LGI1: variants seen among roughly 807,000 people sequenced by gnomAD.
LGI1 encodes leucine rich glioma inactivated 1, also known as leucine-rich glioma-inactivated protein 1.
LGI1 carries 11 observed loss-of-function variants against 57.7 expected under a neutral mutation model. That is an observed-to-expected ratio of 0.19 (90% CI 0.12 to 0.32). The LOEUF is 0.32. Ranked by LOEUF, LGI1 falls within the 10% of genes least tolerant of loss-of-function variation. The pLI is 1.00. For synonymous variants in LGI1, 222 were observed against 241.9 expected, an observed-to-expected ratio of 0.92 and a Z score of 0.76; for missense variants, 422 against 661.9, an observed-to-expected ratio of 0.64 and a Z score of 3.98.
intron 7 of LGI1, among the ~76,000 whole-genome samples, chr10:93,795,332 G>A (rs560404619): frequency 1.3e-5 from 2 of 152,262 alleles, no homozygotes; most frequent in South Asian, 4.2e-4. Flanking sequence ...AAGGCACCAG[G>A]AGATTTAGGG....
At chr10:93,766,512 C>CTTTTTTTTTTTTTTTTTTTTTT (rs71031537) in intron 2 of LGI1, among the ~76,000 whole-genome samples, 3 of 84,588 alleles carry the variant, frequency 3.5e-5, no homozygotes, top group African/African-American at 4.9e-5. Context: ...TTATAGATCT[C>CTTTTTTTTTTTTTTTTTTTTTT]TTTTTTTTTT....
chr10:93,797,431 A>G lies in LGI1; in HGVS notation c.1302A>G (p.Ala434=), dbSNP rs1313734526. Residue 434 remains alanine, a synonymous_variant, in exon 8 of 8, where the codon GCA becomes GCG. Coordinates refer to ENST00000371418, the MANE Select transcript of LGI1 (RefSeq NM_005097.4). This position sits in a 1 kb window ranked among gnomAD's most constrained non-coding sequence, Gnocchi z 6.5. ...TTCCTAACATGGAGGATGTGTACGC[A>G]GTGAAGCACTTCTCAGTGAAAGGGG... The part of the protein sequence containing the change: ...TDIPNMEDVY[A]VKHFSVKGDV... The G allele has an allele frequency of 6.2e-7, 1 of 1,614,230 alleles. No individual in the cohort carries two copies. The highest frequency in any genetic ancestry group is 1.1e-5 in the South Asian group (1 of 91,086).
chr10:93,787,701 A>G (rs1564849218), intron 4 of LGI1, among the ~76,000 whole-genome samples: 1 of 152,138 alleles, frequency 6.6e-6, no homozygotes, highest in Non-Finnish European at 1.5e-5. Flanking sequence ...TGAGCCCAAG[A>G]GTTCAAGACC....
intron 4 of LGI1, among the ~76,000 whole-genome samples, chr10:93,781,216 G>A (rs1377622066): frequency 2.6e-5 from 4 of 151,868 alleles, no homozygotes; most frequent in African/African-American, 4.8e-5. Flanking sequence ...AAAATTAGCC[G>A]GGCGTGGTGG....
Position 93,758,219 on chromosome 10 carries a change from C to G in LGI1, c.75C>G (p.Leu25=), listed in dbSNP as rs144700062. 5.6e-6 allele frequency: 9 copies of G among 1,614,058 alleles called. No homozygotes were observed. Among genetic ancestry groups the G allele is most frequent in the Admixed American group, 1.7e-5 (1 of 60,012 alleles). The change falls in exon 1 of 8, where the codon CTC becomes CTG. Residue 25 remains leucine (L), a synonymous_variant. Coordinates refer to ENST00000371418, the MANE Select transcript of LGI1 (RefSeq NM_005097.4). This position sits in a 1 kb window ranked among gnomAD's most constrained non-coding sequence, Gnocchi z 4.7. ...AAAGAATTGCTTATTTCCTATGTCT[C>G]TTATCTGCGCTTTTGCTGACTGAGG... is the stretch of plus-strand genomic sequence containing the variant. The part of the protein sequence containing the change: ...PLKRIAYFLC[L]LSALLLTEGK...
chr10:93,782,165 T>G (rs1235181040), intron 4 of LGI1, among the ~76,000 whole-genome samples: 1 of 152,236 alleles, frequency 6.6e-6, no homozygotes, highest in African/African-American at 2.4e-5. Flanking sequence ...TTAATAAATC[T>G]GGCATCTATC....
rs201376381 is a variant in LGI1 at position 93,797,349 on chromosome 10, G to A, written c.1220G>A (p.Arg407His). ...PHLILSSSSQ[R>H]PVIYQWNKAT... ...TTAATTCTGTCTAGTAGTTCCCAGCGTCCTGTAATTTATCAGTGGAACAAA... is the reference window on the plus strand; with the variant it reads ...TTAATTCTGTCTAGTAGTTCCCAGCATCCTGTAATTTATCAGTGGAACAAA... The change falls in exon 8 of 8, where the codon CGT becomes CAT. Residue 407 changes from arginine (R) to histidine (H), a missense_variant. Arg to His is a conservative substitution (Grantham distance 29). This residue lies in a region of LGI1 where 301 missense variants were observed against 461.7 expected (regional missense o/e 0.65). Transcript: ENST00000371418. The surrounding 1 kb of genome is among the most constrained non-coding windows in gnomAD (Gnocchi z 6.5). The A allele has an allele frequency of 4.4e-5, 71 of 1,614,108 alleles. No homozygotes were observed. The highest frequency in any genetic ancestry group is 1.8e-4 in the East Asian group (8 of 44,880).
intron 2 of LGI1, chr10:93,764,176 C>T (rs190079195): frequency 3.9e-5 from 6 of 152,262 alleles, no homozygotes; most frequent in African/African-American, 1.4e-4. Flanking sequence ...GATATGGCAG[C>T]TCCAAGCTGG....
chr10:93,783,172 C>G (rs527275394), intron 4 of LGI1: 5 of 151,426 alleles, frequency 3.3e-5, no homozygotes, highest in East Asian at 3.9e-4. Flanking sequence ...GGTCAGAGAT[C>G]GAGACCATCC....
chr10:93,765,903 G>T (rs988908658), intron 2 of LGI1, among the ~76,000 whole-genome samples: 2 of 151,086 alleles, frequency 1.3e-5, no homozygotes, highest in Non-Finnish European at 2.9e-5. Context: ...CCAGGAGGCG[G>T]AGCTTGCAGT....
chr10:93,792,811 C>A lies in LGI1; in HGVS notation c.572C>A (p.Thr191Asn), dbSNP rs2059947584. 6.2e-7 allele frequency: 1 copy of A among 1,613,870 alleles called. No homozygotes were observed. The highest frequency in any genetic ancestry group is 1.3e-5 in the African/African-American group (1 of 74,870). ...LKWLVEWLGH[T>N]NATVEDIYCE... ...TGGCTAGTGGAATGGCTTGGCCACA[C>A]CAATGCAACTGTTGAAGACATCTAC... The change falls in exon 6 of 8, where the codon ACC becomes AAC. Residue 191 changes from threonine to asparagine, a missense_variant. Thr to Asn is a moderately conservative substitution (Grantham distance 65). Transcript: ENST00000371418.
At chr10:93,794,362 C>CTTTTTTTT (rs71031540) in intron 7 of LGI1, among the ~76,000 whole-genome samples, 10 of 101,198 alleles carry the variant, frequency 9.9e-5, no homozygotes, top group Admixed American at 1.4e-4. Flanking sequence ...CTGGATCTCT[C>CTTTTTTTT]TTTTTTTTTT....
chr10:93,787,381 A>G (rs772269830), intron 4 of LGI1, among the ~76,000 whole-genome samples: 66 of 152,164 alleles, frequency 4.3e-4, no homozygotes, highest in Non-Finnish European at 8.4e-4. Context: ...GCCTCATTCC[A>G]CAGCCCATCG....
At position 93,797,939 on chromosome 10, in the gene LGI1, A is replaced by C; in HGVS notation, c.*136A>C. ...ATTGAGACTGCTAGAACCAAGCACT[A>C]CCAGTATCTCCATCCTTAACTGTCC... On this transcript the variant is annotated 3_prime_UTR_variant, in exon 8 of 8. Transcript: ENST00000371418. This position sits in a 1 kb window ranked among gnomAD's most constrained non-coding sequence, Gnocchi z 6.5. 1 of 722,118 alleles carries C rather than the reference A, an allele frequency of 1.4e-6. No individual in the cohort carries two copies. The highest frequency in any genetic ancestry group is 2.5e-6 in the Non-Finnish European group (1 of 401,316). 44.7% of individuals were successfully genotyped at this position (722,118 alleles called of 1,614,324 possible).
intron 4 of LGI1, among the ~76,000 whole-genome samples, chr10:93,784,350 A>T (rs2059878225): frequency 6.6e-6 from 1 of 152,224 alleles, no homozygotes; most frequent in Non-Finnish European, 1.5e-5. Context: ...ATTAATTTTA[A>T]AGATGAAGCC....
intron 4 of LGI1, 197 bp from the exon 5 acceptor site, chr10:93,789,902 G>A: frequency 1.8e-6 from 1 of 568,936 alleles, no homozygotes; most frequent in South Asian, 2.5e-5. Context: ...ATATGGAGTG[G>A]GTGTTGAAGT....
intron 2 of LGI1, among the ~76,000 whole-genome samples, chr10:93,766,512 C>CTTTTTCTTTTTTTTT: frequency 1.2e-5 from 1 of 84,588 alleles, no homozygotes; most frequent in Non-Finnish European, 2.1e-5. Flanking sequence ...TTATAGATCT[C>CTTTTTCTTTTTTTTT]TTTTTTTTTT....
intron 4 of LGI1, among the ~76,000 whole-genome samples, chr10:93,782,533 T>C (rs1219084967): frequency 6.6e-6 from 1 of 152,122 alleles, no homozygotes; most frequent in East Asian, 1.9e-4. Context: ...CTATAGTGTA[T>C]ATACCATTTA....
At chr10:93,771,139 A>G (rs1777563159) in intron 2 of LGI1, 1 of 152,218 alleles carries the variant, frequency 6.6e-6, no homozygotes, top group African/African-American at 2.4e-5. Context: ...ATACTCAAAT[A>G]GGGGAGATTC....
Sources: allele counts gnomAD v4.1 joint callset (sites outside exome capture counted in the v4.1 genomes callset), GRCh38; gene constraint gnomAD v4.1.1; regional missense constraint gnomAD v4.1.1; non-coding constraint Gnocchi (gnomAD v3.1); transcripts MANE v1.5; gene names NCBI Gene and HGNC (gene_info 2026-07-23, HGNC 2026-07-21).